RYR3: variants seen among roughly 807,000 people sequenced by gnomAD.
The protein encoded by RYR3 is ryanodine receptor 3, also known as brain ryanodine receptor-calcium release channel.
RYR3 carries 207 observed loss-of-function variants against 584.3 expected under a neutral mutation model. That is an observed-to-expected ratio of 0.35 (90% CI 0.32 to 0.40). The LOEUF is 0.40. RYR3 is among the 10% of genes least tolerant of loss of function. The pLI, the probability that RYR3 is intolerant of heterozygous loss-of-function variation, is 1.00. For synonymous variants in RYR3, 2,416 were observed against 2,248.5 expected, an observed-to-expected ratio of 1.07 and a Z score of -2.11; for missense variants, 5,616 against 6,089.2, an observed-to-expected ratio of 0.92 and a Z score of 2.59.
chr15:33,664,558 C>CAT (rs904304676), intron 36 of RYR3, among the ~76,000 whole-genome samples: 2 of 122,970 alleles, frequency 1.6e-5, no homozygotes, highest in East Asian at 2.2e-4. Context: ...TATTTATACA[C>CAT]ATATATATAT....
chr15:33,857,934 G>A lies in RYR3; in HGVS notation c.14142+20G>A, dbSNP rs779105326. 19 of 1,379,512 alleles carry A rather than the reference G, an allele frequency of 1.4e-5. No individual in the cohort carries two copies. The highest frequency in any genetic ancestry group is 2.3e-5 in the South Asian group (2 of 85,872). 85.5% of individuals were successfully genotyped at this position (1,379,512 alleles called of 1,614,324 possible). On this transcript the variant is annotated intron_variant, in intron 99 of 103. Coordinates refer to ENST00000634891, the MANE Select transcript of RYR3 (RefSeq NM_001036.6). The stretch of plus-strand genomic sequence containing the variant: ...ATGACGGTGAGAGCCCACCCACTGC[G>A]GGGCCAGCCCACCCACTGCGGGGCC...
At chr15:33,552,892 A>G (rs1305372281) in intron 10 of RYR3, among the ~76,000 whole-genome samples, 1 of 152,146 alleles carries the variant, frequency 6.6e-6, no homozygotes, top group Non-Finnish European at 1.5e-5. Flanking sequence ...CCTTAAATGC[A>G]TTCTCTGTGC....
At chr15:33,460,003 A>C (rs1380703499) in intron 1 of RYR3, among the ~76,000 whole-genome samples, 1 of 152,222 alleles carries the variant, frequency 6.6e-6, no homozygotes, top group Non-Finnish European at 1.5e-5. Flanking sequence ...TATGCTTCTA[A>C]TTTTATTGGT....
chr15:33,743,559 T>C (rs1287456378), intron 52 of RYR3, among the ~76,000 whole-genome samples: 1 of 152,208 alleles, frequency 6.6e-6, no homozygotes, highest in East Asian at 1.9e-4. Context: ...CTAGAGCATC[T>C]GCGTTTTCTG....
chr15:33,559,679 G>C (rs2057298399), intron 10 of RYR3, among the ~76,000 whole-genome samples: 1 of 152,222 alleles, frequency 6.6e-6, no homozygotes, highest in Admixed American at 6.5e-5. Flanking sequence ...GTATGAGCCA[G>C]CTAGAGGAGG....
At chr15:33,644,623 C>A in intron 28 of RYR3, 104 bp downstream of exon 28, 1 of 808,744 alleles carries the variant, frequency 1.2e-6, no homozygotes, top group Non-Finnish European at 2.0e-6. Flanking sequence ...TAAGTCTATG[C>A]CCTGGCCACT....
intron 19 of RYR3, among the ~76,000 whole-genome samples, chr15:33,617,447 G>A (rs62010504): frequency 0.17 from 25,992 of 151,890 alleles, 2,412 homozygotes; most frequent in African/African-American, 0.23. Context: ...AATTGAAAAG[G>A]AATTATTGTT....
intron 87 of RYR3, 88 bp from the exon 88 acceptor site, chr15:33,836,818 C>T: frequency 9.8e-7 from 1 of 1,020,590 alleles, no homozygotes; most frequent in Non-Finnish European, 1.5e-6. Context: ...CTGCACCTAA[C>T]CTTTCCAGAG....
intron 69 of RYR3, among the ~76,000 whole-genome samples, chr15:33,805,890 CCT>C (rs1291585336): frequency 1.3e-5 from 2 of 151,960 alleles, no homozygotes; most frequent in Non-Finnish European, 2.9e-5. Context: ...GCACACTCAT[CCT>C]CTTCTTCTCC....
chr15:33,381,166 A>T lies in RYR3; in HGVS notation c.51+70070A>T, dbSNP rs149607485. On this transcript the variant is annotated intron_variant, in intron 1 of 103. Coordinates refer to ENST00000634891, the MANE Select transcript of RYR3 (RefSeq NM_001036.6). ...AGGAGTCCAGGTTCCTCAGTTTGCT[A>T]TCATCTGGTTCCGCCAATGTTTCCA... is the stretch of plus-strand genomic sequence containing the variant. 2.0e-5 allele frequency among the ~76,000 whole-genome samples: 3 copies of T among 152,220 alleles called. No individual in the cohort carries two copies. In the East Asian group the frequency reaches 5.8e-4, roughly 29 times the overall value.
At chr15:33,722,919 G>T in intron 44 of RYR3, 24 bp downstream of exon 44, 2 of 1,536,600 alleles carry the variant, frequency 1.3e-6, no homozygotes, top group Non-Finnish European at 1.8e-6. Context: ...ATTCCCTTCC[G>T]GCACAGATAC....
intron 67 of RYR3, among the ~76,000 whole-genome samples, chr15:33,792,299 A>G (rs1489030533): frequency 6.6e-6 from 1 of 152,138 alleles, no homozygotes; most frequent in Non-Finnish European, 1.5e-5. Context: ...GGTGGAAAAG[A>G]GCACAATATA....
At chr15:33,632,049 C>CACA (rs1420095435) in intron 23 of RYR3, among the ~76,000 whole-genome samples, 1 of 152,250 alleles carries the variant, frequency 6.6e-6, no homozygotes, top group African/African-American at 2.4e-5. Flanking sequence ...GAGGTCAGGA[C>CACA]ACAACAGTCA....
intron 49 of RYR3, among the ~76,000 whole-genome samples, chr15:33,738,160 G>A (rs1013774421): frequency 1.6e-4 from 25 of 152,124 alleles, no homozygotes; most frequent in African/African-American, 6.0e-4. Context: ...GCACTTTCTG[G>A]TGTGAACTAG....
At chr15:33,852,049 G>A (rs1389518192) in intron 94 of RYR3, 1 of 16,454 alleles carries the variant, frequency 6.1e-5, no homozygotes, top group Non-Finnish European at 1.6e-4. Flanking sequence ...CCACCCTGTT[G>A]GGGGAGAGGC....
At chr15:33,603,988 G>T (rs1201607772) in intron 18 of RYR3, among the ~76,000 whole-genome samples, 1 of 152,122 alleles carries the variant, frequency 6.6e-6, no homozygotes, top group Admixed American at 6.5e-5. Context: ...CATGTCCATG[G>T]CCCGTGCCTG....
chr15:33,415,469 G>C (rs1456508226), intron 1 of RYR3, among the ~76,000 whole-genome samples: 1 of 151,672 alleles, frequency 6.6e-6, no homozygotes, highest in Non-Finnish European at 1.5e-5. Context: ...CACATACTCA[G>C]CAGCTTACCA....
intron 1 of RYR3, among the ~76,000 whole-genome samples, chr15:33,324,839 C>G (rs16969361): frequency 0.092 from 14,047 of 152,206 alleles, 860 homozygotes; most frequent in African/African-American, 0.16. Context: ...AGTTAAAAAC[C>G]CAACCGCATT....
rs1457204041 is a variant in RYR3 at position 33,540,857 on chromosome 15, C to T, written c.613C>T (p.His205Tyr). Residue 205 changes from histidine to tyrosine, a missense_variant, in exon 7 of 104, where the codon CAT becomes TAT. Transcript: ENST00000634891. ...CTTTATGCAAACACTCTGGAATGTA[C>T]ATCCTACGTGCTCAGGAAGTAGCAT... ...ASFMQTLWNV[H>Y]PTCSGSSIEE... The T allele has an allele frequency of 4.3e-6, 7 of 1,612,414 alleles. No individual in the cohort carries two copies. The highest frequency in any genetic ancestry group is 5.9e-6 in the Non-Finnish European group (7 of 1,178,722).
Sources: gnomAD v4.1 joint callset for allele counts (sites outside exome capture counted in the v4.1 genomes callset) on GRCh38, gnomAD v4.1.1 for gene constraint, MANE v1.5 for transcripts, NCBI Gene and HGNC (gene_info 2026-07-23, HGNC 2026-07-21) for gene names.